Variants in SYNPO2 observed in about 807,000 individuals in gnomAD.
SYNPO2 encodes synaptopodin-2.
In SYNPO2, 56 loss-of-function variants were observed where a neutral mutation model predicts 85.0. That is an observed-to-expected ratio of 0.66 (90% confidence interval 0.53 to 0.82). The LOEUF is 0.82. Among genes scored for constraint, SYNPO2 ranks in the 40% least tolerant of loss-of-function variants. The pLI, the probability that SYNPO2 is intolerant of heterozygous loss-of-function variation, is 0.00. For missense variants in SYNPO2, 1,575 were observed against 1,534.2 expected (o/e 1.03, Z -0.44); for synonymous variants, 602 against 591.1 (o/e 1.02, Z -0.27).
intron 4 of SYNPO2, chr4:119,034,477 A>G (rs3733513): frequency 0.41 from 399,007 of 983,838 alleles, 81,261 homozygotes; most frequent in African/African-American, 0.42. Context: ...TGCAAATAAC[A>G]TGACTATGCC....
At chr4:119,000,147 C>T (rs1316573694) in intron 1 of SYNPO2, among the ~76,000 whole-genome samples, 2 of 152,190 alleles carry the variant, frequency 1.3e-5, no homozygotes, top group Admixed American at 6.5e-5. Flanking sequence ...GCAAGACAGC[C>T]TTCCTGTTAT....
At chr4:118,997,255 A>C (rs1408721186) in intron 1 of SYNPO2, among the ~76,000 whole-genome samples, 2 of 151,184 alleles carry the variant, frequency 1.3e-5, no homozygotes, top group African/African-American at 2.4e-5. Context: ...AAAAAAAAAA[A>C]AATTAAAAGA....
At chr4:119,033,166 C>G in intron 4 of SYNPO2, 1 of 985,336 alleles carries the variant, frequency 1.0e-6, no homozygotes, top group East Asian at 1.1e-4. Flanking sequence ...TTGTGAAGCA[C>G]GAGGAACCCC....
chr4:118,938,512 TGTAGGC>T (rs1734192083), intron 1 of SYNPO2, among the ~76,000 whole-genome samples: 1 of 152,192 alleles, frequency 6.6e-6, no homozygotes, highest in African/African-American at 2.4e-5. Flanking sequence ...GCTTACATAT[TGTAGGC>T]AAAAGTCAGT....
chr4:119,048,158 G>A (rs955876384), intron 4 of SYNPO2, among the ~76,000 whole-genome samples: 4 of 152,094 alleles, frequency 2.6e-5, no homozygotes, highest in African/African-American at 9.7e-5. Context: ...CATAAATATT[G>A]ACTAGTCCTG....
chr4:119,057,105 C>G (rs1325140562), intron 4 of SYNPO2, among the ~76,000 whole-genome samples: 1 of 152,064 alleles, frequency 6.6e-6, no homozygotes, highest in Admixed American at 6.6e-5. Flanking sequence ...GTGACTATGC[C>G]TAAGAAAGAT....
chr4:118,978,357 T>C, intron 1 of SYNPO2, among the ~76,000 whole-genome samples: 1 of 152,210 alleles, frequency 6.6e-6, no homozygotes, highest in East Asian at 1.9e-4. Context: ...TTTTCTCTAA[T>C]TGTTCAGTTG....
intron 1 of SYNPO2, among the ~76,000 whole-genome samples, chr4:118,923,584 A>T (rs1284264907): frequency 6.6e-6 from 1 of 152,182 alleles, no homozygotes; most frequent in African/African-American, 2.4e-5. Context: ...TGTTTCTGCC[A>T]TATTGCACAA....
At chr4:118,990,210 G>C (rs1310346131) in intron 1 of SYNPO2, among the ~76,000 whole-genome samples, 1 of 152,088 alleles carries the variant, frequency 6.6e-6, no homozygotes, top group Non-Finnish European at 1.5e-5. Context: ...AGAATGAAGG[G>C]AGAAACACAT....
chr4:118,868,698 C>T (rs539860287), intron 1 of SYNPO2, among the ~76,000 whole-genome samples: 9 of 152,146 alleles, frequency 5.9e-5, no homozygotes, highest in East Asian at 3.9e-4. Context: ...AGTTGTACTT[C>T]GAATGACAGG....
intron 1 of SYNPO2, among the ~76,000 whole-genome samples, chr4:118,959,465 C>T (rs1163658523): frequency 6.6e-6 from 1 of 152,186 alleles, no homozygotes; most frequent in Non-Finnish European, 1.5e-5. Flanking sequence ...TCACCTAAAG[C>T]AATAAATATG....
At chr4:119,019,439 G>A (rs1737635081) in intron 1 of SYNPO2, among the ~76,000 whole-genome samples, 2 of 152,126 alleles carry the variant, frequency 1.3e-5, no homozygotes, top group African/African-American at 2.4e-5. Context: ...ATGTGCTCAC[G>A]CAGGTATTTT....
At chr4:118,853,381 T>C (rs1012923551) in intron 1 of SYNPO2, among the ~76,000 whole-genome samples, 7 of 151,896 alleles carry the variant, frequency 4.6e-5, no homozygotes, top group Non-Finnish European at 8.8e-5. Flanking sequence ...TTAGGATATT[T>C]CCCCCCCTCC....
intron 1 of SYNPO2, among the ~76,000 whole-genome samples, chr4:119,022,512 GTTTTTTTTTTTTT>G (rs778146297): frequency 1.1e-5 from 1 of 87,096 alleles, no homozygotes; most frequent in African/African-American, 4.2e-5. Flanking sequence ...TTTTTTGTAG[GTTTTTTTTTTTTT>G]TTTTTTTTTT....
chr4:119,035,475 A>G, intron 4 of SYNPO2: 4 of 985,414 alleles, frequency 4.1e-6, no homozygotes, highest in Non-Finnish European at 3.6e-6. Flanking sequence ...CTGCATTGGT[A>G]GTGTAAAGCA....
At chr4:118,875,917 C>T (rs1219518879) in intron 1 of SYNPO2, among the ~76,000 whole-genome samples, 1 of 152,212 alleles carries the variant, frequency 6.6e-6, no homozygotes, top group Non-Finnish European at 1.5e-5. Flanking sequence ...AAACCACATA[C>T]ATATATTCCA....
At chr4:118,963,962 A>G (rs1735202389) in intron 1 of SYNPO2, among the ~76,000 whole-genome samples, 1 of 152,118 alleles carries the variant, frequency 6.6e-6, no homozygotes, top group African/African-American at 2.4e-5. Flanking sequence ...CTTCTAATCA[A>G]ATACTGGCCA....
intron 1 of SYNPO2, among the ~76,000 whole-genome samples, chr4:119,003,531 T>C (rs1736900224): frequency 6.6e-6 from 1 of 152,228 alleles, no homozygotes; most frequent in Non-Finnish European, 1.5e-5. Flanking sequence ...GCTATTCATT[T>C]CTGCTAAGAG....
chr4:119,007,458 A>G (rs1197865895), intron 1 of SYNPO2, among the ~76,000 whole-genome samples: 1 of 151,474 alleles, frequency 6.6e-6, no homozygotes, highest in Non-Finnish European at 1.5e-5. Context: ...TGACTTTAAA[A>G]TTATTGACCT....
Sources: allele counts gnomAD v4.1 joint callset (sites outside exome capture counted in the v4.1 genomes callset), GRCh38; gene constraint gnomAD v4.1.1; transcripts MANE v1.5; gene names NCBI Gene and HGNC (gene_info 2026-07-23, HGNC 2026-07-21).